The following CASK variants were observed in gnomAD, a reference collection of about 807,000 sequenced individuals.
CASK encodes the protein peripheral plasma membrane protein CASK.
Under a neutral mutation model 82.9 loss-of-function variants are expected in CASK, and 4 were observed. The observed-to-expected ratio is 0.05, with a 90% CI of 0.02 to 0.11. The LOEUF (loss-of-function observed/expected upper bound fraction) is 0.11. Among genes scored for constraint, CASK ranks in the 10% least tolerant of loss-of-function variants. CASK has a pLI of 1.00. For missense variants in CASK, 358 were observed against 720.9 expected (o/e 0.50, Z 5.76); for synonymous variants, 259 against 253.5 (o/e 1.02, Z -0.20).
chrX:41,690,513 ATT>A lies in CASK; in HGVS notation c.430-18985_430-18984del, dbSNP rs775363462. Among the ~76,000 whole-genome samples, 15 of 91,598 alleles carry A rather than the reference ATT, an allele frequency of 1.6e-4. No homozygotes were observed. The East Asian group carries it at 2.4e-3, about 14-fold the overall frequency. 79.5% of individuals were successfully genotyped at this position (91,598 alleles called of 115,157 possible). On this transcript the variant is annotated intron_variant, in intron 5 of 26. Coordinates refer to ENST00000378163, the MANE Select transcript of CASK (RefSeq NM_001367721.1). ...AGGTGCGTGCCACCACGCCCTGCTA[ATT>A]TTTTTTTTTTTTTTTGGTATTTTTT... is the stretch of plus-strand genomic sequence containing the variant.
At chrX:41,585,720 T>A in intron 14 of CASK, 1 of 93,154 alleles carries the variant, frequency 1.1e-5, no homozygotes, top group East Asian at 3.2e-4. Flanking sequence ...CACTCCAGCC[T>A]GGGCGACAGT....
chrX:41,630,497 C>T (rs1469350063), intron 9 of CASK, among the ~76,000 whole-genome samples: 2 of 111,885 alleles, frequency 1.8e-5, no homozygotes, highest in Non-Finnish European at 3.8e-5. Flanking sequence ...ATACAAAATA[C>T]ACAAGTATTG....
chrX:41,843,797 T>C (rs1394920535), intron 2 of CASK, among the ~76,000 whole-genome samples: 2 of 111,524 alleles, frequency 1.8e-5, no homozygotes, highest in African/African-American at 6.5e-5. Flanking sequence ...CTCGTGTGAC[T>C]TGCTTCTTTC....
chrX:41,773,662 A>G (rs2069292681), intron 3 of CASK, among the ~76,000 whole-genome samples: 1 of 112,133 alleles, frequency 8.9e-6, no homozygotes, highest in South Asian at 3.7e-4. Flanking sequence ...ACAAACCTAG[A>G]TGGGATATCC....
At chrX:41,761,426 T>C (rs766355105) in intron 3 of CASK, among the ~76,000 whole-genome samples, 1 of 111,759 alleles carries the variant, frequency 8.9e-6, no homozygotes, top group South Asian at 3.8e-4. Flanking sequence ...ACAAACACAC[T>C]GGGGATTACA....
chrX:41,627,597 ACTCTGCATGC>A (rs981251155), intron 9 of CASK, among the ~76,000 whole-genome samples: 3 of 110,904 alleles, frequency 2.7e-5, no homozygotes, highest in Non-Finnish European at 3.8e-5. Context: ...CCATTATACT[ACTCTGCATGC>A]CTCTGTGTAC....
intron 21 of CASK, among the ~76,000 whole-genome samples, chrX:41,544,444 T>C (rs2064990742): frequency 9.2e-6 from 1 of 109,158 alleles, no homozygotes; most frequent in Non-Finnish European, 1.9e-5. Context: ...CATGTGCCTG[T>C]AGTCCCAGCT....
At chrX:41,919,245 G>A (rs755624685) in intron 1 of CASK, 5 of 111,667 alleles carry the variant, frequency 4.5e-5, no homozygotes, top group South Asian at 7.5e-4. Context: ...AAGTGCTCTC[G>A]AGGAGTAAGC....
chrX:41,674,033 G>A (rs1429596186), intron 5 of CASK, among the ~76,000 whole-genome samples: 1 of 110,088 alleles, frequency 9.1e-6, no homozygotes, highest in Non-Finnish European at 1.9e-5. Flanking sequence ...TGTAAAGTGA[G>A]CTTTGGGTAT....
intron 2 of CASK, among the ~76,000 whole-genome samples, chrX:41,847,990 C>T (rs778656478): frequency 1.8e-5 from 2 of 112,101 alleles, no homozygotes; most frequent in Admixed American, 9.4e-5. Flanking sequence ...ATGTGCATGG[C>T]CTTCTTAACA....
chrX:41,785,299 G>A (rs1447825127), intron 3 of CASK, among the ~76,000 whole-genome samples: 2 of 111,784 alleles, frequency 1.8e-5, no homozygotes, highest in African/African-American at 3.3e-5. Flanking sequence ...GAGCCACCAC[G>A]CCTGGCCTCA....
chrX:41,770,149 A>G (rs913830282), intron 3 of CASK, among the ~76,000 whole-genome samples: 5 of 110,924 alleles, frequency 4.5e-5, no homozygotes, highest in African/African-American at 1.6e-4. Flanking sequence ...TATCCAGCAC[A>G]GATTATCAAA....
At chrX:41,835,481 T>C (rs1473186105) in intron 2 of CASK, among the ~76,000 whole-genome samples, 1 of 112,404 alleles carries the variant, frequency 8.9e-6, no homozygotes, top group Admixed American at 9.4e-5. Context: ...AAGATGATAC[T>C]AAGAAAAATT....
intron 4 of CASK, among the ~76,000 whole-genome samples, chrX:41,740,337 T>G (rs1370131262): frequency 9.0e-6 from 1 of 111,014 alleles, no homozygotes; most frequent in Non-Finnish European, 1.9e-5. Context: ...TCCCTTTTCC[T>G]TCCCAACCAG....
chrX:41,757,280 C>T (rs1319471481), intron 3 of CASK, among the ~76,000 whole-genome samples: 2 of 110,751 alleles, frequency 1.8e-5, no homozygotes, highest in Non-Finnish European at 3.8e-5. Flanking sequence ...CACAAATGTC[C>T]CATAACTACC....
At chrX:41,847,911 G>A (rs1298728562) in intron 2 of CASK, among the ~76,000 whole-genome samples, 2 of 112,093 alleles carry the variant, frequency 1.8e-5, no homozygotes, top group Non-Finnish European at 3.8e-5. Context: ...TATGTAGCCT[G>A]AAAGTCAGCT....
In CASK at chrX:41,578,462, G is replaced by A; in HGVS notation, c.1381C>T (p.Pro461Ser). ...VYSDEALRVT[P>S]PPTSPYLNGD... ...TTTAAATAGGGAGAGGTGGGAGGAG[G>A]TGTGACCCTCAATGCTTCATCACTG... The change falls in exon 15 of 27, where the codon CCT (proline) becomes TCT (serine). Residue 461 changes from proline to serine, a missense_variant. Pro to Ser is a moderately conservative substitution (Grantham distance 74). This residue lies in a region of CASK where 110 missense variants were observed against 218.8 expected (regional missense o/e 0.50). Transcript: ENST00000378163. 1 of 1,205,788 alleles carries A rather than the reference G, an allele frequency of 8.3e-7. No homozygotes were observed.
At chrX:41,539,085 C>T (rs1026434819) in intron 22 of CASK, among the ~76,000 whole-genome samples, 1 of 111,813 alleles carries the variant, frequency 8.9e-6, no homozygotes, top group African/African-American at 3.2e-5. Context: ...GACTTTCACA[C>T]GTGATGACTT....
intron 1 of CASK, among the ~76,000 whole-genome samples, chrX:41,869,003 T>C (rs2071644626): frequency 8.9e-6 from 1 of 111,813 alleles, no homozygotes; most frequent in Non-Finnish European, 1.9e-5. Context: ...GCCTTCCTAC[T>C]GAAAAACAAA....
Sources: allele counts gnomAD v4.1 joint callset (sites outside exome capture counted in the v4.1 genomes callset), GRCh38; gene constraint gnomAD v4.1.1; regional missense constraint gnomAD v4.1.1; transcripts MANE v1.5; gene names NCBI Gene and HGNC (gene_info 2026-07-23, HGNC 2026-07-21).